CARMIL1: variants seen among roughly 807,000 people sequenced by gnomAD.
The protein encoded by CARMIL1 is capping protein regulator and myosin 1 linker 1.
CARMIL1 carries 90 observed loss-of-function variants against 177.1 expected under a neutral mutation model. The observed-to-expected ratio is 0.51, with a 90% CI of 0.43 to 0.61. The LOEUF is 0.61. Ranked by LOEUF, CARMIL1 falls within the 20% of genes least tolerant of loss-of-function variation. The probability of loss-of-function intolerance (pLI) is 0.00; values close to 1 mark genes in which losing one functional copy is unlikely to be tolerated. For synonymous variants in CARMIL1, 577 were observed against 606.2 expected, an observed-to-expected ratio of 0.95 and a Z score of 0.71; for missense variants, 1,380 against 1,667.0, an observed-to-expected ratio of 0.83 and a Z score of 3.00.
chr6:25,414,358 C>G (rs1221809727), intron 2 of CARMIL1, among the ~76,000 whole-genome samples: 1 of 152,160 alleles, frequency 6.6e-6, no homozygotes, highest in Admixed American at 6.5e-5. Flanking sequence ...CTTATACAAA[C>G]AGAAAGAGTT....
At chr6:25,508,938 G>A (rs1009371701) in intron 17 of CARMIL1, among the ~76,000 whole-genome samples, 3 of 152,128 alleles carry the variant, frequency 2.0e-5, no homozygotes, top group Non-Finnish European at 2.9e-5. Flanking sequence ...AGAAAAAGAT[G>A]AAAAGTACTG....
In CARMIL1 at chr6:25,611,695, A is replaced by C. The variant is rs546643127; in HGVS notation, c.3979+1514A>C. Among the ~76,000 whole-genome samples, 4 of 152,374 alleles carry C rather than the reference A, an allele frequency of 2.6e-5. No homozygotes were observed. The East Asian group carries it at 7.7e-4, about 29-fold the overall frequency. On this transcript the variant is annotated intron_variant, in intron 36 of 36. Transcript: ENST00000329474. ...AGGATTTACAAAAATAGAAGAAAAA[A>C]GATCAGAAGGTTGAATACAAAAATC...
intron 29 of CARMIL1, among the ~76,000 whole-genome samples, chr6:25,570,300 A>T (rs539550966): frequency 6.6e-6 from 1 of 152,310 alleles, no homozygotes; most frequent in African/African-American, 2.4e-5. Context: ...TGCTACAGGG[A>T]TATATACCTG....
chr6:25,529,850 G>A (rs985594039), intron 24 of CARMIL1, among the ~76,000 whole-genome samples: 4 of 150,102 alleles, frequency 2.7e-5, no homozygotes, highest in African/African-American at 9.8e-5. Flanking sequence ...TTAAAATTGT[G>A]ATACTGTAGT....
At chr6:25,306,177 A>G (rs2150188230) in intron 2 of CARMIL1, among the ~76,000 whole-genome samples, 1 of 152,258 alleles carries the variant, frequency 6.6e-6, no homozygotes, top group South Asian at 2.1e-4. Flanking sequence ...TATATAAATC[A>G]ATTATATAAT....
At chr6:25,448,715 GAGGGC>G (rs1798479047) in intron 5 of CARMIL1, among the ~76,000 whole-genome samples, 1 of 152,168 alleles carries the variant, frequency 6.6e-6, no homozygotes, top group South Asian at 2.1e-4. Flanking sequence ...CTAGCTTTGC[GAGGGC>G]AGGGGCAGCA....
intron 1 of CARMIL1, among the ~76,000 whole-genome samples, chr6:25,281,465 C>T (rs1054804262): frequency 4.6e-5 from 7 of 151,796 alleles, no homozygotes; most frequent in Non-Finnish European, 5.9e-5. Context: ...TTACTTAGGC[C>T]CAAGAGAAAG....
chr6:25,379,515 GA>G (rs1791326533), intron 2 of CARMIL1, among the ~76,000 whole-genome samples: 1 of 152,214 alleles, frequency 6.6e-6, no homozygotes, highest in Admixed American at 6.5e-5. Context: ...GATTCTTTCA[GA>G]GGATGGTGAG....
intron 8 of CARMIL1, among the ~76,000 whole-genome samples, chr6:25,459,277 T>TCTTTCCTTCTTTCCTTCTTTCC (rs1450322009): frequency 7.2e-6 from 1 of 139,594 alleles, no homozygotes; most frequent in Non-Finnish European, 1.6e-5. Flanking sequence ...TTTTTTTTTT[T>TCTTTCCTTCTTTCCTTCTTTCC]TTTAAGACAG....
intron 8 of CARMIL1, chr6:25,451,998 C>A: frequency 6.0e-6 from 1 of 166,072 alleles, no homozygotes; most frequent in Non-Finnish European, 1.3e-5. Context: ...CCCCCCCTCC[C>A]CCCCCCAGAA....
intron 36 of CARMIL1, among the ~76,000 whole-genome samples, chr6:25,615,812 A>C (rs1293938867): frequency 6.6e-6 from 1 of 152,228 alleles, no homozygotes; most frequent in Non-Finnish European, 1.5e-5. Context: ...TTTCTCCTGG[A>C]AAATATGGAT....
chr6:25,396,350 ATTTTTTTTTTTCCTT>A (rs1743981352), intron 2 of CARMIL1, among the ~76,000 whole-genome samples: 2 of 145,338 alleles, frequency 1.4e-5, no homozygotes, highest in African/African-American at 5.1e-5. Flanking sequence ...TCATGTTTTA[ATTTTTTTTTTTCCTT>A]TTTTTTTTTT....
At chr6:25,455,378 A>G (rs1157175181) in intron 8 of CARMIL1, among the ~76,000 whole-genome samples, 2 of 152,132 alleles carry the variant, frequency 1.3e-5, no homozygotes, top group African/African-American at 4.8e-5. Context: ...CCTTAAAACC[A>G]TCAGTGCTTC....
At chr6:25,305,203 A>C (rs1300435069) in intron 2 of CARMIL1, among the ~76,000 whole-genome samples, 1 of 152,184 alleles carries the variant, frequency 6.6e-6, no homozygotes, top group Non-Finnish European at 1.5e-5. Flanking sequence ...GAACTTGAGA[A>C]TCAGGAGTCC....
intron 16 of CARMIL1, among the ~76,000 whole-genome samples, chr6:25,497,999 C>T (rs1803910497): frequency 6.6e-6 from 1 of 152,120 alleles, no homozygotes. Flanking sequence ...CTAGAATAGT[C>T]TGGTTCATAT....
intron 1 of CARMIL1, 118 bp downstream of exon 1, chr6:25,279,953 AGT>A: frequency 8.2e-7 from 1 of 1,214,378 alleles, no homozygotes; most frequent in Non-Finnish European, 1.2e-6. Context: ...CTTAGGGCAG[AGT>A]GGTGTTGGGC....
At chr6:25,487,461 A>G (rs1802777200) in intron 12 of CARMIL1, among the ~76,000 whole-genome samples, 2 of 152,210 alleles carry the variant, frequency 1.3e-5, no homozygotes, top group African/African-American at 2.4e-5. Context: ...AATTTTGCTG[A>G]AAAATAAGAA....
intron 26 of CARMIL1, among the ~76,000 whole-genome samples, chr6:25,545,586 T>C (rs1038147662): frequency 1.8e-4 from 27 of 152,174 alleles, no homozygotes; most frequent in Non-Finnish European, 2.6e-4. Context: ...TGTAATCTAA[T>C]GCAGCTATTC....
chr6:25,365,953 A>G (rs1331537244), intron 2 of CARMIL1, among the ~76,000 whole-genome samples: 1 of 151,836 alleles, frequency 6.6e-6, no homozygotes, highest in Non-Finnish European at 1.5e-5. Context: ...TTTGTTGATC[A>G]TTGAACCGCC....
Sources: allele counts gnomAD v4.1 joint callset (sites outside exome capture counted in the v4.1 genomes callset), GRCh38; gene constraint gnomAD v4.1.1; transcripts MANE v1.5; gene names NCBI Gene and HGNC (gene_info 2026-07-23, HGNC 2026-07-21).